SCAP: variants seen among roughly 807,000 people sequenced by gnomAD.
SCAP encodes the protein sterol regulatory element-binding protein cleavage-activating protein.
In SCAP, 65 loss-of-function variants were observed where a neutral mutation model predicts 123.6. The observed-to-expected ratio is 0.53, with a 90% CI of 0.43 to 0.65. The LOEUF (loss-of-function observed/expected upper bound fraction) is 0.65, where lower values mean the gene tolerates loss of function less well. SCAP is among the 30% of genes least tolerant of loss of function. SCAP has a pLI of 0.00. For synonymous variants in SCAP, 740 were observed against 726.3 expected, an observed-to-expected ratio of 1.02 and a Z score of -0.30; for missense variants, 1,398 against 1,712.5, an observed-to-expected ratio of 0.82 and a Z score of 3.24.
intron 1 of SCAP, among the ~76,000 whole-genome samples, chr3:47,474,642 C>A (rs1168486304): frequency 1.3e-5 from 2 of 151,802 alleles, no homozygotes; most frequent in Non-Finnish European, 2.9e-5. Context: ...CAAAAAAATA[C>A]AAAAATTAGC....
intron 1 of SCAP, among the ~76,000 whole-genome samples, chr3:47,468,312 T>C (rs946498362): frequency 1.3e-5 from 2 of 152,166 alleles, no homozygotes; most frequent in African/African-American, 4.8e-5. Flanking sequence ...TCCACAATGG[T>C]TGAACTAGTT....
In SCAP at chr3:47,435,616, C is replaced by G. The variant is rs1049275062; in HGVS notation, c.123-479G>C. ...ACCAGGCTGGTCTTAAAACTCCTGA[C>G]CTCAGGTGATCCACCCACCTCAGCC... is the stretch of plus-strand genomic sequence containing the variant. On this transcript the variant is annotated intron_variant, in intron 2 of 22. Transcript: ENST00000265565. Among the ~76,000 whole-genome samples the G allele has an allele frequency of 6.6e-5, 10 of 151,864 alleles. No individual in the cohort carries two copies. In the East Asian group the frequency reaches 1.9e-3, roughly 29 times the overall value.
At chr3:47,475,371 C>CA (rs1708227042) in intron 1 of SCAP, 1 of 152,306 alleles carries the variant, frequency 6.6e-6, no homozygotes, top group South Asian at 2.1e-4. Context: ...ACCAGCAAAG[C>CA]AACTAGCGTT....
intron 8 of SCAP, 128 bp from the exon 9 acceptor site, chr3:47,424,173 C>A: frequency 1.5e-6 from 1 of 673,510 alleles, no homozygotes; most frequent in South Asian, 1.7e-5. Context: ...AGGTGCTGGG[C>A]AGAAACCCTC....
chr3:47,426,196 A>G, intron 6 of SCAP, 27 bp from the exon 7 acceptor site: 4 of 1,604,564 alleles, frequency 2.5e-6, no homozygotes, highest in Non-Finnish European at 2.5e-6. Context: ...GTGGGGGTAA[A>G]TGGAAGTGTT....
At chr3:47,427,923 A>C (rs954370141) in intron 4 of SCAP, among the ~76,000 whole-genome samples, 2 of 152,168 alleles carry the variant, frequency 1.3e-5, no homozygotes, top group Non-Finnish European at 2.9e-5. Flanking sequence ...GTGTACTATA[A>C]GAGCATGCAC....
chr3:47,422,692 G>C, intron 9 of SCAP, 156 bp from the exon 10 acceptor site: 3 of 576,048 alleles, frequency 5.2e-6, no homozygotes, highest in South Asian at 4.7e-5. Context: ...TCAGGGTCCT[G>C]CTAATGCCCA....
At chr3:47,468,724 T>G (rs1224223389) in intron 1 of SCAP, among the ~76,000 whole-genome samples, 1 of 152,230 alleles carries the variant, frequency 6.6e-6, no homozygotes, top group Non-Finnish European at 1.5e-5. Context: ...TTTAGTTTAA[T>G]TAGATCCCAT....
chr3:47,419,408 C>T lies in SCAP; in HGVS notation c.1860G>A (p.Glu620=). Residue 620 remains glutamate (E), a synonymous_variant, in exon 13 of 23, where the codon GAG becomes GAA. Coordinates refer to ENST00000265565, the MANE Select transcript of SCAP (RefSeq NM_012235.4). This position sits in a 1 kb window ranked among gnomAD's most constrained non-coding sequence, Gnocchi z 5.0. ...SPVPEVTWGP[E]DEELWRKLSF... The stretch of plus-strand genomic sequence containing the variant: ...ACAATTTCCTCCAAAGTTCCTCATC[C>T]TCAGGCCCCCAGGTTACCTCTGGGA... 1 of 1,612,780 alleles carries T rather than the reference C, an allele frequency of 6.2e-7. No homozygotes were observed. Among genetic ancestry groups the T allele is most frequent in the Non-Finnish European group, 8.5e-7 (1 of 1,179,638 alleles).
chr3:47,426,787 G>A lies in SCAP; in HGVS notation c.737+370C>T, dbSNP rs991994899. Among the ~76,000 whole-genome samples the A allele has an allele frequency of 2.6e-5, 4 of 152,144 alleles. 1 individual carries two copies. Among genetic ancestry groups the A allele is most frequent in the Admixed American group, 2.0e-4 (3 of 15,276 alleles). Reference sequence around the variant, plus strand: ...TAGGAGAGCCGATCAGAAGCACCTCGAGTGCCCTTGCCAATTGGGGAGCTG... The same window carrying A: ...TAGGAGAGCCGATCAGAAGCACCTCAAGTGCCCTTGCCAATTGGGGAGCTG... On this transcript the variant is annotated intron_variant, in intron 6 of 22. Transcript: ENST00000265565.
At chr3:47,428,917 G>A (rs1414625211) in intron 3 of SCAP, 14 of 428,712 alleles carry the variant, frequency 3.3e-5, no homozygotes, top group Non-Finnish European at 3.4e-5. Flanking sequence ...CAAGATGGCC[G>A]ACTGGAGTTG....
At chr3:47,457,421 T>C (rs1707468301) in intron 1 of SCAP, among the ~76,000 whole-genome samples, 1 of 152,154 alleles carries the variant, frequency 6.6e-6, no homozygotes, top group African/African-American at 2.4e-5. Context: ...TTGACTGCGT[T>C]CCCCTTCAGG....
intron 9 of SCAP, among the ~76,000 whole-genome samples, chr3:47,423,031 T>G (rs1210231308): frequency 6.6e-6 from 1 of 152,198 alleles, no homozygotes; most frequent in African/African-American, 2.4e-5. Context: ...GTCGCATGTC[T>G]AAGGCTCTGT....
intron 1 of SCAP, among the ~76,000 whole-genome samples, chr3:47,460,786 G>T (rs554581393): frequency 6.6e-6 from 1 of 152,210 alleles, no homozygotes; most frequent in African/African-American, 2.4e-5. Context: ...TTGAACTCCT[G>T]ACCTCGTGAT....
rs1054591362 is a variant in SCAP at position 47,413,768 on chromosome 3, C to A, written c.*86G>T. The A allele has an allele frequency of 1.3e-6, 2 of 1,516,282 alleles. No homozygotes were observed. The highest frequency in any genetic ancestry group is 8.9e-7 in the Non-Finnish European group (1 of 1,125,182). The allele number at this position is 1,516,282 out of a possible 1,614,324, so 93.9% of individuals were successfully genotyped here. ...GTCAGGAGGCAGCGGCTGGAAGATA[C>A]TCGGCTCTTTCCCCCAAGTCCAGGT... On this transcript the variant is annotated 3_prime_UTR_variant, in exon 23 of 23. Transcript: ENST00000265565.
chr3:47,414,028 G>A lies in SCAP; in HGVS notation c.3666C>T (p.Val1222=). The change falls in exon 23 of 23, where the codon GTC becomes GTT. Residue 1222 remains valine (V), a synonymous_variant. Coordinates refer to ENST00000265565, the MANE Select transcript of SCAP (RefSeq NM_012235.4). The stretch of plus-strand genomic sequence containing the variant: ...CCCCGTAGTTTAGGTCCCAAAAGGA[G>A]ACACAGCCCTGGCCGCCAGTCACCA... ...NLLVTGGQGC[V]SFWDLNYGDL... 1.2e-6 allele frequency: 2 copies of A among 1,613,282 alleles called. No individual in the cohort carries two copies. The highest frequency in any genetic ancestry group is 1.7e-5 in the Admixed American group (1 of 60,024).
intron 21 of SCAP, 86 bp from the exon 22 acceptor site, chr3:47,414,472 C>A: frequency 6.3e-7 from 1 of 1,592,364 alleles, no homozygotes; most frequent in Non-Finnish European, 8.6e-7. Flanking sequence ...TGGGTGGGGC[C>A]CTGACTGCTT....
intron 1 of SCAP, among the ~76,000 whole-genome samples, chr3:47,450,161 C>T (rs1464046533): frequency 8.1e-6 from 1 of 124,028 alleles, no homozygotes; most frequent in African/African-American, 2.8e-5. Context: ...CCCCACCCAG[C>T]TAATTTTTAT....
chr3:47,430,443 G>A (rs1331950069), intron 3 of SCAP, among the ~76,000 whole-genome samples: 1 of 152,222 alleles, frequency 6.6e-6, no homozygotes, highest in Non-Finnish European at 1.5e-5. Context: ...AGGAGAAGCT[G>A]AGTAGAGCCA....
Sources: gnomAD v4.1 joint callset for allele counts (sites outside exome capture counted in the v4.1 genomes callset) on GRCh38, gnomAD v4.1.1 for gene constraint, Gnocchi (gnomAD v3.1) non-coding constraint, MANE v1.5 for transcripts, NCBI Gene and HGNC (gene_info 2026-07-23, HGNC 2026-07-21) for gene names.